The following RAB28 variants were observed in gnomAD, a reference collection of about 807,000 sequenced individuals.
RAB28 encodes the protein RAB28, member RAS oncogene family.
In RAB28, 24 loss-of-function variants were observed where a neutral mutation model predicts 31.7. That is an observed-to-expected ratio of 0.76 (90% CI 0.55 to 1.06). The LOEUF (loss-of-function observed/expected upper bound fraction) is 1.06. Ranked by LOEUF, RAB28 falls within the 50% of genes least tolerant of loss-of-function variation. The probability of loss-of-function intolerance (pLI) is 0.00; values close to 1 mark genes in which losing one functional copy is unlikely to be tolerated. For synonymous variants in RAB28, 100 were observed against 90.4 expected, an observed-to-expected ratio of 1.11 and a Z score of -0.60; for missense variants, 254 against 258.5, an observed-to-expected ratio of 0.98 and a Z score of 0.12.
intron 5 of RAB28, among the ~76,000 whole-genome samples, chr4:13,380,223 T>C (rs1729073610): frequency 6.6e-6 from 1 of 152,072 alleles, no homozygotes; most frequent in Admixed American, 6.5e-5. Context: ...TAATGGGTCT[T>C]ACCAAAAGAA....
intron 4 of RAB28, among the ~76,000 whole-genome samples, chr4:13,420,227 T>C (rs1264121088): frequency 2.0e-5 from 3 of 152,168 alleles, no homozygotes; most frequent in East Asian, 3.9e-4. Flanking sequence ...AATCTCTGAA[T>C]AGACCAGTAA....
intron 6 of RAB28, among the ~76,000 whole-genome samples, chr4:13,375,745 A>G (rs1728893125): frequency 6.6e-6 from 1 of 151,674 alleles, no homozygotes; most frequent in African/African-American, 2.4e-5. Context: ...AACAATTTCA[A>G]ATATTTGCTT....
At chr4:13,462,771 T>C (rs538707486) in intron 3 of RAB28, among the ~76,000 whole-genome samples, 10 of 152,324 alleles carry the variant, frequency 6.6e-5, no homozygotes, top group African/African-American at 2.2e-4. Flanking sequence ...TCTGTCTGTC[T>C]TCCAAGACGC....
chr4:13,421,448 G>C (rs1015192972), intron 4 of RAB28, among the ~76,000 whole-genome samples: 2 of 152,128 alleles, frequency 1.3e-5, no homozygotes, highest in Non-Finnish European at 2.9e-5. Flanking sequence ...GCATTGCCAA[G>C]ACAATCCTAA....
At chr4:13,467,996 A>T (rs776968953) in intron 3 of RAB28, among the ~76,000 whole-genome samples, 22 of 151,906 alleles carry the variant, frequency 1.4e-4, no homozygotes, top group Non-Finnish European at 3.2e-4. Context: ...GACAAAGCAG[A>T]CTTCAGAATA....
Position 13,384,867 on chromosome 4 carries a change from T to C in RAB28, c.392-3273A>G, listed in dbSNP as rs139980716. On this transcript the variant is annotated intron_variant, in intron 4 of 6. Coordinates refer to ENST00000330852, the MANE Select transcript of RAB28 (RefSeq NM_001017979.3). Reference sequence around the variant, plus strand: ...GCAAGGGTTCTGAACTGGACTGAGATGGCTGAAATGACAGAAAAAGAATTC... The same window carrying C: ...GCAAGGGTTCTGAACTGGACTGAGACGGCTGAAATGACAGAAAAAGAATTC... 4.6e-3 allele frequency among the ~76,000 whole-genome samples: 695 copies of C among 152,200 alleles called. 6 individuals carry two copies. The highest frequency in any genetic ancestry group is 0.016 in the African/African-American group (662 of 41,522).
chr4:13,455,547 A>AG (rs1715252703), intron 4 of RAB28, among the ~76,000 whole-genome samples: 1 of 152,212 alleles, frequency 6.6e-6, no homozygotes, highest in African/African-American at 2.4e-5. Context: ...ACTGACCCCC[A>AG]GAAGAGTGCA....
At chr4:13,386,667 A>C (rs1553866262) in intron 4 of RAB28, among the ~76,000 whole-genome samples, 1 of 152,220 alleles carries the variant, frequency 6.6e-6, no homozygotes, top group African/African-American at 2.4e-5. Flanking sequence ...AATTACTTCA[A>C]CCATTGTTGA....
At chr4:13,390,769 A>C (rs1008744419) in intron 4 of RAB28, among the ~76,000 whole-genome samples, 18 of 152,180 alleles carry the variant, frequency 1.2e-4, no homozygotes, top group African/African-American at 3.4e-4. Flanking sequence ...CAACCATCTG[A>C]TCTTTGACAA....
intron 4 of RAB28, among the ~76,000 whole-genome samples, chr4:13,427,488 A>C (rs1487325792): frequency 6.6e-6 from 1 of 152,186 alleles, no homozygotes; most frequent in African/African-American, 2.4e-5. Flanking sequence ...AAACAAGGAG[A>C]GTATGTATGA....
chr4:13,422,281 C>T (rs566165986), intron 4 of RAB28, among the ~76,000 whole-genome samples: 12 of 152,254 alleles, frequency 7.9e-5, no homozygotes, highest in Middle Eastern at 3.4e-3. Context: ...GAAATAGGAA[C>T]GCTTTTGCAC....
At chr4:13,390,245 C>A (rs531688843) in intron 4 of RAB28, among the ~76,000 whole-genome samples, 31 of 152,256 alleles carry the variant, frequency 2.0e-4, no homozygotes, top group Non-Finnish European at 2.2e-4. Flanking sequence ...AAATCACAAG[C>A]ATTCCTATAC....
chr4:13,450,025 T>C (rs1714882448), intron 4 of RAB28, among the ~76,000 whole-genome samples: 1 of 151,826 alleles, frequency 6.6e-6, no homozygotes, highest in South Asian at 2.1e-4. Context: ...AACATTGAAC[T>C]TAAAATTAAT....
At chr4:13,387,469 A>G (rs1729424715) in intron 4 of RAB28, among the ~76,000 whole-genome samples, 1 of 152,086 alleles carries the variant, frequency 6.6e-6, no homozygotes, top group Non-Finnish European at 1.5e-5. Flanking sequence ...TTGCCCTTTA[A>G]TGGCTCAAGT....
chr4:13,452,464 G>C (rs994030757), intron 4 of RAB28, among the ~76,000 whole-genome samples: 3 of 151,648 alleles, frequency 2.0e-5, no homozygotes, highest in Admixed American at 2.0e-4. Flanking sequence ...TTTGTATATT[G>C]TGTTCCTACT....
intron 3 of RAB28, chr4:13,473,772 C>T: frequency 3.2e-6 from 1 of 309,284 alleles, no homozygotes; most frequent in Non-Finnish European, 6.4e-6. Context: ...CATGGATTTT[C>T]TTCTGAAAAT....
At chr4:13,467,669 A>C (rs1052785202) in intron 3 of RAB28, among the ~76,000 whole-genome samples, 4 of 152,014 alleles carry the variant, frequency 2.6e-5, no homozygotes, top group African/African-American at 9.7e-5. Context: ...GATATGCTAA[A>C]ACAGGAGAGA....
At chr4:13,451,840 G>C (rs934094258) in intron 4 of RAB28, among the ~76,000 whole-genome samples, 3 of 151,854 alleles carry the variant, frequency 2.0e-5, no homozygotes, top group African/African-American at 7.2e-5. Context: ...ATTTATTGAA[G>C]AGAGTGTCCT....
Position 13,479,512 on chromosome 4 carries a change from CG to C in RAB28, c.89del (p.Thr30SerfsTer16). The C allele has an allele frequency of 6.2e-7, 1 of 1,603,654 alleles. No individual in the cohort carries two copies. Among genetic ancestry groups the C allele is most frequent in the Non-Finnish European group, 8.5e-7 (1 of 1,172,586 alleles). ...TCCCAAAAGTTTCTTGAGCAAAACA[CG>C]TAGTTAAGGAGGTCTAAAAAATTGA... is the stretch of plus-strand genomic sequence containing the variant. ...DGASGKTSLT[T>X]CFAQETFGKQ... On this transcript the variant is annotated frameshift_variant, in exon 2 of 7. Coordinates refer to ENST00000330852, the MANE Select transcript of RAB28 (RefSeq NM_001017979.3). LOFTEE classifies it high-confidence loss of function.
Sources: gnomAD v4.1 joint callset for allele counts (sites outside exome capture counted in the v4.1 genomes callset) on GRCh38, gnomAD v4.1.1 for gene constraint, MANE v1.5 for transcripts, NCBI Gene and HGNC (gene_info 2026-07-23, HGNC 2026-07-21) for gene names.